PPP2R2D: variants seen among roughly 807,000 people sequenced by gnomAD.
The protein encoded by PPP2R2D is protein phosphatase 2 regulatory subunit Bdelta.
PPP2R2D carries 9 observed loss-of-function variants against 31.1 expected under a neutral mutation model. That is an observed-to-expected ratio of 0.29 (90% CI 0.17 to 0.51). The LOEUF (loss-of-function observed/expected upper bound fraction) is 0.51, where lower values mean the gene tolerates loss of function less well. Among genes scored for constraint, PPP2R2D ranks in the 20% least tolerant of loss-of-function variants. The pLI, the probability that PPP2R2D is intolerant of heterozygous loss-of-function variation, is 0.98. For synonymous variants in PPP2R2D, 179 were observed against 172.6 expected (o/e 1.04, Z -0.29); for missense variants, 391 against 465.6 (o/e 0.84, Z 1.48).
intron 2 of PPP2R2D, among the ~76,000 whole-genome samples, chr10:131,924,784 A>G (rs782293074): frequency 1.1e-4 from 16 of 150,928 alleles, no homozygotes; most frequent in Admixed American, 2.0e-4. Context: ...AAGTTTTCCA[A>G]TCGTGACACA....
chr10:131,901,553 G>A (rs1052192042), intron 2 of PPP2R2D, among the ~76,000 whole-genome samples: 23 of 152,248 alleles, frequency 1.5e-4, no homozygotes, highest in African/African-American at 5.3e-4. Context: ...GGCCCGCGGC[G>A]GGACTTATGT....
At position 131,954,154 on chromosome 10, in the gene PPP2R2D, G is replaced by A. The variant is rs559123466; in HGVS notation, c.1083-1530G>A. Reference sequence around the variant, plus strand: ...GGCCAGCACCAGGCTGCTGGGCAGCGCCCTTGTTTGCAGTGTGGAAACACC... The same window carrying A: ...GGCCAGCACCAGGCTGCTGGGCAGCACCCTTGTTTGCAGTGTGGAAACACC... On this transcript the variant is annotated intron_variant, in intron 8 of 8. Coordinates refer to ENST00000455566, the MANE Select transcript of PPP2R2D (RefSeq NM_018461.5). Among the ~76,000 whole-genome samples, 81 of 152,332 alleles carry A rather than the reference G, an allele frequency of 5.3e-4. 2 individuals carry two copies. Among genetic ancestry groups the A allele is most frequent in the African/African-American group, 1.6e-3 (66 of 41,564 alleles).
At chr10:131,917,604 CGT>C in intron 2 of PPP2R2D, among the ~76,000 whole-genome samples, 1 of 100,246 alleles carries the variant, frequency 1.0e-5, no homozygotes, top group Admixed American at 1.1e-4. Flanking sequence ...AGGGACCTCA[CGT>C]GGGTGGAATG....
At chr10:131,914,710 A>G (rs2035746447) in intron 2 of PPP2R2D, among the ~76,000 whole-genome samples, 1 of 152,176 alleles carries the variant, frequency 6.6e-6, no homozygotes, top group African/African-American at 2.4e-5. Context: ...TTGCAGAAGA[A>G]CGGTGACCCC....
chr10:131,920,568 T>C (rs1375708926), intron 2 of PPP2R2D, among the ~76,000 whole-genome samples: 2 of 152,240 alleles, frequency 1.3e-5, no homozygotes, highest in African/African-American at 4.8e-5. Context: ...TTTCATTCCT[T>C]TTTTTGGCAG....
At chr10:131,918,631 G>A (rs1182081283) in intron 2 of PPP2R2D, among the ~76,000 whole-genome samples, 1 of 149,334 alleles carries the variant, frequency 6.7e-6, no homozygotes, top group Non-Finnish European at 1.5e-5. Flanking sequence ...TCAGGCAGGT[G>A]GAATGACACA....
the PPP2R2D span, chr10:131,968,664 A>C: frequency 9.3e-7 from 1 of 1,078,708 alleles, no homozygotes; most frequent in South Asian, 1.3e-5. Flanking sequence ...GTTAGAGCTT[A>C]TGCAAGGGGA....
chr10:131,963,644 T>C (rs1013486043), downstream of PPP2R2D, among the ~76,000 whole-genome samples: 1 of 152,274 alleles, frequency 6.6e-6, no homozygotes, highest in East Asian at 1.9e-4. Flanking sequence ...GCCACAGGGC[T>C]GTGCGCTGAG....
chr10:131,934,794 C>T, intron 3 of PPP2R2D: 1 of 563,796 alleles, frequency 1.8e-6, no homozygotes, highest in South Asian at 1.5e-5. Context: ...GCTGGGGACC[C>T]CATGAAGGAT....
intron 2 of PPP2R2D, among the ~76,000 whole-genome samples, chr10:131,903,046 C>G (rs1352764224): frequency 2.6e-5 from 4 of 151,948 alleles, no homozygotes; most frequent in Non-Finnish European, 5.9e-5. Flanking sequence ...GCCACCGCAC[C>G]TGCCTGGTTT....
At chr10:131,940,498 C>T (rs990040073) in intron 4 of PPP2R2D, 84 bp from the exon 5 acceptor site, 24 of 667,166 alleles carry the variant, frequency 3.6e-5, no homozygotes, top group African/African-American at 5.4e-5. Context: ...AGGACCACAC[C>T]GCTTTCTAAT....
chr10:131,941,516 A>G (rs1278481019), intron 5 of PPP2R2D, among the ~76,000 whole-genome samples: 2 of 145,682 alleles, frequency 1.4e-5, no homozygotes, highest in Non-Finnish European at 3.0e-5. Context: ...AGATTGGAAA[A>G]CCGTTGGTTG....
At position 131,945,433 on chromosome 10, in the gene PPP2R2D, C is replaced by T. The variant is rs782403976; in HGVS notation, c.794C>T (p.Ser265Leu). The T allele has an allele frequency of 2.5e-6, 4 of 1,613,350 alleles. No homozygotes were observed. The highest frequency in any genetic ancestry group is 1.7e-5 in the Admixed American group (1 of 59,948). ...GTIRLCDMRS[S>L]ALCDRHSKFF... ...ATCCGCCTGTGTGACATGCGCTCCT[C>T]GGCCCTGTGCGACAGACACTCCAAG... is the stretch of plus-strand genomic sequence containing the variant. Residue 265 changes from serine (S) to leucine (L), a missense_variant, in exon 7 of 9, where the codon TCG becomes TTG. Ser to Leu is a moderately radical substitution (Grantham distance 145, BLOSUM62 -2). Around this residue, in one of 3 missense-constraint regions of PPP2R2D, gnomAD observed 123 missense variants for 187.7 expected, o/e 0.66. Transcript: ENST00000455566. This position sits in a 1 kb window ranked among gnomAD's most constrained non-coding sequence, Gnocchi z 4.8.
At chr10:131,954,442 A>G (rs538346558) in intron 8 of PPP2R2D, among the ~76,000 whole-genome samples, 2 of 152,230 alleles carry the variant, frequency 1.3e-5, no homozygotes, top group South Asian at 2.1e-4. Context: ...CCCCCAGTCA[A>G]TGGCCCTCAC....
intron 2 of PPP2R2D, among the ~76,000 whole-genome samples, chr10:131,929,712 C>T (rs2119819040): frequency 6.6e-6 from 1 of 152,290 alleles, no homozygotes; most frequent in South Asian, 2.1e-4. Context: ...TCCCTCCCCG[C>T]CACCACCGGC....
At chr10:131,944,270 CCTGT>C in intron 6 of PPP2R2D, 125 bp downstream of exon 6, 12 of 728,590 alleles carry the variant, frequency 1.6e-5, no homozygotes, top group Non-Finnish European at 2.6e-5. Flanking sequence ...TGCACAGCAG[CCTGT>C]GATGTAAGTT....
At chr10:131,934,429 G>C (rs781884906) in intron 2 of PPP2R2D, 29 bp from the exon 3 acceptor site, 2 of 759,256 alleles carry the variant, frequency 2.6e-6, no homozygotes, top group South Asian at 2.9e-5. Context: ...AACCGCATCC[G>C]GTAAATCGCT....
intron 2 of PPP2R2D, among the ~76,000 whole-genome samples, chr10:131,929,295 A>G: frequency 6.6e-6 from 1 of 152,222 alleles, no homozygotes; most frequent in East Asian, 1.9e-4. Context: ...TGGAAATGCC[A>G]TCGTGGGAAC....
intron 5 of PPP2R2D, among the ~76,000 whole-genome samples, chr10:131,941,527 T>G (rs9419215): frequency 0.016 from 2,485 of 152,052 alleles, 75 homozygotes; most frequent in African/African-American, 0.056. Context: ...CCGTTGGTTG[T>G]TTGGGTGGTT....
Sources: allele counts gnomAD v4.1 joint callset (sites outside exome capture counted in the v4.1 genomes callset), GRCh38; gene constraint gnomAD v4.1.1; regional missense constraint gnomAD v4.1.1; non-coding constraint Gnocchi (gnomAD v3.1); transcripts MANE v1.5; gene names NCBI Gene and HGNC (gene_info 2026-07-23, HGNC 2026-07-21).